ASCC1: variants seen among roughly 807,000 people sequenced by gnomAD.
ASCC1 encodes ASC-1 complex subunit P50.
A neutral mutation model predicts 46.6 loss-of-function variants in ASCC1; 35 were observed. The ratio of observed to expected loss-of-function variants is 0.75; its 90% CI spans 0.57 to 0.99. The LOEUF (loss-of-function observed/expected upper bound fraction) is 0.99. ASCC1 is among the 50% of genes least tolerant of loss of function. The probability of loss-of-function intolerance (pLI) is 0.00; values close to 1 mark genes in which losing one functional copy is unlikely to be tolerated. For synonymous variants in ASCC1, 143 were observed against 146.6 expected (o/e 0.98, Z 0.18); for missense variants, 376 against 428.7 (o/e 0.88, Z 1.09).
intron 9 of ASCC1, among the ~76,000 whole-genome samples, chr10:72,122,440 A>T (rs1844320906): frequency 6.7e-6 from 1 of 148,336 alleles, no homozygotes; most frequent in Admixed American, 6.7e-5. Context: ...AAAAAAACCC[A>T]CACACTTCTA....
At chr10:72,145,855 T>C (rs1456614399) in intron 7 of ASCC1, among the ~76,000 whole-genome samples, 2 of 152,216 alleles carry the variant, frequency 1.3e-5, no homozygotes, top group Non-Finnish European at 2.9e-5. Context: ...AGGCTTTCAA[T>C]AAAGTTTTGT....
chr10:72,179,702 C>A (rs1355195565), intron 5 of ASCC1, among the ~76,000 whole-genome samples: 1 of 152,108 alleles, frequency 6.6e-6, no homozygotes, highest in African/African-American at 2.4e-5. Flanking sequence ...GAAGATTAAA[C>A]AAAATGAACA....
At chr10:72,167,986 C>A (rs909322394) in intron 5 of ASCC1, among the ~76,000 whole-genome samples, 2 of 151,970 alleles carry the variant, frequency 1.3e-5, no homozygotes, top group Admixed American at 1.3e-4. Flanking sequence ...GTCAGGAGAT[C>A]GGGACCATCC....
At chr10:72,214,968 AT>A (rs1858900999) in intron 1 of ASCC1, among the ~76,000 whole-genome samples, 2 of 152,370 alleles carry the variant, frequency 1.3e-5, no homozygotes, top group South Asian at 4.1e-4. Flanking sequence ...TGAATCAATA[AT>A]TTAGGAAACA....
chr10:72,158,110 C>CA (rs1849202356), intron 6 of ASCC1, among the ~76,000 whole-genome samples: 1 of 152,120 alleles, frequency 6.6e-6, no homozygotes, highest in Non-Finnish European at 1.5e-5. Context: ...AGCAGAAACA[C>CA]AAACTGTTTC....
intron 9 of ASCC1, among the ~76,000 whole-genome samples, chr10:72,117,344 T>C (rs1843612747): frequency 6.6e-6 from 1 of 152,236 alleles, no homozygotes; most frequent in South Asian, 2.1e-4. Context: ...GATGGTACCT[T>C]CTTCCAGAGA....
At chr10:72,193,479 CCA>C (rs1041901265) in intron 5 of ASCC1, among the ~76,000 whole-genome samples, 1 of 143,898 alleles carries the variant, frequency 6.9e-6, no homozygotes, top group Non-Finnish European at 1.5e-5. Context: ...CACACACACA[CCA>C]CACACACACA....
intron 6 of ASCC1, among the ~76,000 whole-genome samples, chr10:72,160,813 G>A (rs887591622): frequency 6.7e-6 from 1 of 150,234 alleles, no homozygotes; most frequent in Admixed American, 6.6e-5. Context: ...GCCGGGCTTG[G>A]TTGCTCACGC....
chr10:72,194,703 G>C (rs1855097715), intron 5 of ASCC1, among the ~76,000 whole-genome samples: 1 of 152,090 alleles, frequency 6.6e-6, no homozygotes, highest in African/African-American at 2.4e-5. Flanking sequence ...CAAATCACCT[G>C]AACAGTTAAT....
intron 9 of ASCC1, among the ~76,000 whole-genome samples, chr10:72,126,187 T>C (rs1300413422): frequency 1.3e-5 from 2 of 152,222 alleles, no homozygotes; most frequent in African/African-American, 2.4e-5. Flanking sequence ...TGAGTCTTTC[T>C]TTTCTGATTC....
At chr10:72,180,247 C>T (rs1852402010) in intron 5 of ASCC1, among the ~76,000 whole-genome samples, 1 of 151,604 alleles carries the variant, frequency 6.6e-6, no homozygotes, top group Admixed American at 6.6e-5. Context: ...CCACTGCACT[C>T]CAGCCTGGGC....
At chr10:72,105,479 G>C (rs1842247826) in intron 9 of ASCC1, among the ~76,000 whole-genome samples, 1 of 152,206 alleles carries the variant, frequency 6.6e-6, no homozygotes, top group Admixed American at 6.5e-5. Flanking sequence ...CTGACGAAGA[G>C]GTCAAGAAAA....
intron 3 of ASCC1, among the ~76,000 whole-genome samples, chr10:72,205,630 C>CAA (rs35572254): frequency 5.1e-5 from 6 of 116,862 alleles, no homozygotes; most frequent in Non-Finnish European, 9.1e-5. Context: ...AACTCCATCT[C>CAA]AAAAAAAAAA....
At chr10:72,153,787 C>T (rs1483445066) in intron 6 of ASCC1, among the ~76,000 whole-genome samples, 1 of 150,536 alleles carries the variant, frequency 6.6e-6, no homozygotes, top group African/African-American at 2.4e-5. Flanking sequence ...TGCAATGGCA[C>T]GATCTCGGAT....
chr10:72,114,349 G>C (rs567947151), intron 9 of ASCC1, among the ~76,000 whole-genome samples: 1 of 152,188 alleles, frequency 6.6e-6, no homozygotes, highest in Non-Finnish European at 1.5e-5. Context: ...TAAATGGCTG[G>C]GCGTGGTGGC....
intron 8 of ASCC1, 75 bp from the exon 9 acceptor site, chr10:72,128,242 A>T: frequency 7.8e-7 from 1 of 1,281,746 alleles, no homozygotes; most frequent in South Asian, 1.2e-5. Context: ...ATAGGTACAT[A>T]GGTACGACTA....
chr10:72,114,222 A>G (rs1843236139), intron 9 of ASCC1, among the ~76,000 whole-genome samples: 1 of 152,238 alleles, frequency 6.6e-6, no homozygotes, highest in Admixed American at 6.5e-5. Flanking sequence ...GTAGTAATAA[A>G]GCTGCAATCA....
chr10:72,159,903 C>CTTTT (rs900754769), intron 6 of ASCC1, among the ~76,000 whole-genome samples: 6 of 129,936 alleles, frequency 4.6e-5, no homozygotes, highest in Non-Finnish European at 8.3e-5. Flanking sequence ...TACACAGTTT[C>CTTTT]TTTTTTTTTT....
intron 4 of ASCC1, among the ~76,000 whole-genome samples, chr10:72,201,441 C>T (rs1205404755): frequency 2.0e-5 from 3 of 152,184 alleles, no homozygotes; most frequent in Non-Finnish European, 4.4e-5. Context: ...ATAATCCCAG[C>T]ACTTTGGGAG....
Sources: gnomAD v4.1 joint callset for allele counts (sites outside exome capture counted in the v4.1 genomes callset) on GRCh38, gnomAD v4.1.1 for gene constraint, MANE v1.5 for transcripts, NCBI Gene and HGNC (gene_info 2026-07-23, HGNC 2026-07-21) for gene names.